CLPB: variants seen among roughly 807,000 people sequenced by gnomAD.
The protein encoded by CLPB is mitochondrial disaggregase.
CLPB carries 40 observed loss-of-function variants against 78.4 expected under a neutral mutation model. That is an observed-to-expected ratio of 0.51 (90% CI 0.40 to 0.66). The LOEUF is 0.66. Ranked by LOEUF, CLPB falls within the 30% of genes least tolerant of loss-of-function variation. The pLI is 0.00. For missense variants in CLPB, 780 were observed against 886.9 expected, an observed-to-expected ratio of 0.88 and a Z score of 1.53; for synonymous variants, 333 against 348.0, an observed-to-expected ratio of 0.96 and a Z score of 0.48.
At chr11:72,413,064 G>C (rs961438448) in intron 2 of CLPB, among the ~76,000 whole-genome samples, 3 of 152,100 alleles carry the variant, frequency 2.0e-5, no homozygotes, top group Non-Finnish European at 4.4e-5. Context: ...CAAGGCAGGC[G>C]AGTCACCTGA....
chr11:72,338,113 G>C (rs1950354539), intron 5 of CLPB, among the ~76,000 whole-genome samples: 2 of 152,172 alleles, frequency 1.3e-5, no homozygotes, highest in Non-Finnish European at 2.9e-5. Context: ...TCTTGCCCTT[G>C]AGCAGAACTC....
In CLPB at chr11:72,294,658, T is replaced by C. The variant is rs1949517633; in HGVS notation, c.1522A>G (p.Lys508Glu). 6.2e-7 allele frequency: 1 copy of C among 1,614,032 alleles called. No homozygotes were observed. The change falls in exon 13 of 16, where the codon AAG becomes GAG. Residue 508 changes from lysine (K) to glutamate (E), a missense_variant. Physicochemically the swap from Lys to Glu is moderately conservative, Grantham distance 56. Coordinates refer to ENST00000538039, the MANE Select transcript of CLPB (RefSeq NM_001258392.3). ...VQISDKITIS[K>E]NFKENVIRPI... ...CGAATCACATTCTCCTTGAAGTTCT[T>C]TGAGATGGTGATCTTGTCACTTATC...
intron 5 of CLPB, among the ~76,000 whole-genome samples, chr11:72,333,980 A>G (rs1950274932): frequency 6.6e-6 from 1 of 151,988 alleles, no homozygotes; most frequent in Non-Finnish European, 1.5e-5. Flanking sequence ...TTAGGGAGAG[A>G]CCTCTGGAAG....
intron 7 of CLPB, among the ~76,000 whole-genome samples, chr11:72,313,357 T>C (rs1008675661): frequency 1.3e-5 from 2 of 152,218 alleles, no homozygotes; most frequent in African/African-American, 4.8e-5. Flanking sequence ...TCTTAGTCCT[T>C]AGTAAGGATT....
At chr11:72,342,385 G>C (rs1351210603) in intron 5 of CLPB, among the ~76,000 whole-genome samples, 1 of 152,182 alleles carries the variant, frequency 6.6e-6, no homozygotes, top group Non-Finnish European at 1.5e-5. Flanking sequence ...CTAACGTAGA[G>C]GTTTTCTAAC....
At chr11:72,380,467 G>T in intron 3 of CLPB, 83 bp from the exon 4 acceptor site, 2 of 1,027,138 alleles carry the variant, frequency 1.9e-6, no homozygotes, top group South Asian at 1.3e-5. Context: ...CATGTTTGGG[G>T]ACTGGAGCTG....
intron 5 of CLPB, among the ~76,000 whole-genome samples, chr11:72,331,515 A>T (rs1397547349): frequency 6.7e-6 from 1 of 150,224 alleles, no homozygotes; most frequent in Non-Finnish European, 1.5e-5. Context: ...TGCTGGGATT[A>T]CAGGCGTGGG....
intron 5 of CLPB, among the ~76,000 whole-genome samples, chr11:72,349,827 G>A (rs2135587308): frequency 6.6e-6 from 1 of 152,370 alleles, no homozygotes; most frequent in East Asian, 1.9e-4. Flanking sequence ...GCTCAGTGCA[G>A]GTGGAGGAGA....
In CLPB at chr11:72,291,382, A is replaced by C. The variant is rs1225985824; in HGVS notation, c.*1985T>G. 6.6e-6 allele frequency: 1 copy of C among 152,184 alleles called. No homozygotes were observed. The highest frequency in any genetic ancestry group is 2.4e-5 in the African/African-American group (1 of 41,440). 9.4% of individuals were successfully genotyped at this position (152,184 alleles called of 1,614,324 possible). On this transcript the variant is annotated 3_prime_UTR_variant, in exon 16 of 16. Coordinates refer to ENST00000538039, the MANE Select transcript of CLPB (RefSeq NM_001258392.3). ...GAGTGCAGTGGCGTGATTTCAGCTCACTGCAACCTCCGCCTCCTGGGCTCA... is the reference window on the plus strand; with the variant it reads ...GAGTGCAGTGGCGTGATTTCAGCTCCCTGCAACCTCCGCCTCCTGGGCTCA...
intron 2 of CLPB, among the ~76,000 whole-genome samples, chr11:72,427,207 G>A (rs995933770): frequency 1.3e-5 from 2 of 152,214 alleles, no homozygotes; most frequent in African/African-American, 2.4e-5. Context: ...AAGAGCATTA[G>A]GCTGCTGCCC....
At chr11:72,348,941 T>G (rs1482115367) in intron 5 of CLPB, among the ~76,000 whole-genome samples, 2 of 152,238 alleles carry the variant, frequency 1.3e-5, no homozygotes, top group Non-Finnish European at 2.9e-5. Context: ...GAGAGATATA[T>G]TAATCAAATA....
intron 5 of CLPB, among the ~76,000 whole-genome samples, chr11:72,350,895 G>A (rs1010948147): frequency 6.6e-6 from 1 of 152,124 alleles, no homozygotes; most frequent in Non-Finnish European, 1.5e-5. Flanking sequence ...TTTAGAGGAG[G>A]TTTCTCGTAT....
intron 4 of CLPB, among the ~76,000 whole-genome samples, chr11:72,361,254 C>T (rs893853006): frequency 5.3e-5 from 8 of 152,174 alleles, no homozygotes; most frequent in African/African-American, 1.9e-4. Context: ...CTGACATGGC[C>T]TCTCCAGACT....
chr11:72,396,205 C>A (rs981715884), intron 3 of CLPB, among the ~76,000 whole-genome samples: 1 of 152,072 alleles, frequency 6.6e-6, no homozygotes, highest in East Asian at 1.9e-4. Context: ...CTCAGTTCCT[C>A]GGGGACCCTG....
At chr11:72,414,208 G>A (rs994703219) in intron 2 of CLPB, among the ~76,000 whole-genome samples, 3 of 152,078 alleles carry the variant, frequency 2.0e-5, no homozygotes, top group Non-Finnish European at 4.4e-5. Context: ...TAAACAGGAG[G>A]GAGTGGCCCA....
intron 4 of CLPB, among the ~76,000 whole-genome samples, chr11:72,379,749 G>C (rs1479573601): frequency 1.3e-5 from 2 of 152,190 alleles, no homozygotes; most frequent in Non-Finnish European, 2.9e-5. Context: ...TGAGGGGACA[G>C]TCCCAGAGAC....
intron 3 of CLPB, among the ~76,000 whole-genome samples, chr11:72,393,925 C>T (rs1173365567): frequency 6.6e-6 from 1 of 152,154 alleles, no homozygotes; most frequent in Non-Finnish European, 1.5e-5. Flanking sequence ...TTAGTACCTC[C>T]TCAAGCTTCA....
intron 6 of CLPB, among the ~76,000 whole-genome samples, chr11:72,325,860 G>A (rs1015555619): frequency 8.5e-5 from 13 of 152,184 alleles, no homozygotes; most frequent in African/African-American, 2.9e-4. Flanking sequence ...TATAAAATGC[G>A]GCTGCCAGTC....
At chr11:72,404,993 G>C (rs1565085098) in intron 2 of CLPB, among the ~76,000 whole-genome samples, 1 of 152,186 alleles carries the variant, frequency 6.6e-6, no homozygotes, top group Non-Finnish European at 1.5e-5. Context: ...AGCAGGCCAC[G>C]TGATATGGTA....
Sources: gnomAD v4.1 joint callset for allele counts (sites outside exome capture counted in the v4.1 genomes callset) on GRCh38, gnomAD v4.1.1 for gene constraint, MANE v1.5 for transcripts, NCBI Gene and HGNC (gene_info 2026-07-23, HGNC 2026-07-21) for gene names.